OPHN1: variants seen among roughly 807,000 people sequenced by gnomAD.
OPHN1 encodes oligophrenin-1.
In OPHN1, 11 loss-of-function variants were observed where a neutral mutation model predicts 60.7. The ratio of observed to expected loss-of-function variants is 0.18; its 90% CI spans 0.11 to 0.30. The LOEUF is 0.30. OPHN1 is among the 10% of genes least tolerant of loss of function. The probability of loss-of-function intolerance (pLI) is 1.00; values close to 1 mark genes in which losing one functional copy is unlikely to be tolerated. For missense variants in OPHN1, 449 were observed against 611.0 expected, an observed-to-expected ratio of 0.73 and a Z score of 2.80; for synonymous variants, 226 against 222.6, an observed-to-expected ratio of 1.02 and a Z score of -0.14.
chrX:68,369,249 G>A (rs2078514990), intron 2 of OPHN1, among the ~76,000 whole-genome samples: 1 of 110,814 alleles, frequency 9.0e-6, no homozygotes, highest in African/African-American at 3.3e-5. Context: ...CTACTCAGGA[G>A]GCTGAGGCAG....
chrX:68,239,822 T>C (rs1490675776), intron 5 of OPHN1, among the ~76,000 whole-genome samples: 1 of 108,574 alleles, frequency 9.2e-6, no homozygotes, highest in African/African-American at 3.4e-5. Context: ...TTCTATTTTT[T>C]TTTTTTTTCT....
At chrX:68,147,091 C>T in intron 15 of OPHN1, among the ~76,000 whole-genome samples, 1 of 111,568 alleles carries the variant, frequency 9.0e-6, no homozygotes, top group Non-Finnish European at 1.9e-5. Flanking sequence ...ACCCCTTCAC[C>T]CTCCAAGCCC....
At chrX:68,424,082 G>A (rs545656625) in intron 2 of OPHN1, among the ~76,000 whole-genome samples, 51 of 110,680 alleles carry the variant, frequency 4.6e-4, no homozygotes, top group Non-Finnish European at 7.2e-4. Flanking sequence ...CAGGAGAACC[G>A]TTTGAACCCA....
In OPHN1 at chrX:68,163,354, A is replaced by G. The variant is rs766177556; in HGVS notation, c.1276+29565T>C. On this transcript the variant is annotated intron_variant, in intron 15 of 24. Transcript: ENST00000355520. ...ATTTTTCTTTCTCTTTTGGGCTAATATCATTATGATGTTCATCCATGTTGT... is the reference window on the plus strand; with the variant it reads ...ATTTTTCTTTCTCTTTTGGGCTAATGTCATTATGATGTTCATCCATGTTGT... 8.1e-5 allele frequency among the ~76,000 whole-genome samples: 9 copies of G among 110,435 alleles called. No individual in the cohort carries two copies. In the South Asian group the frequency reaches 3.5e-3, roughly 43 times the overall value.
chrX:68,080,108 T>C (rs2147380094), intron 19 of OPHN1, among the ~76,000 whole-genome samples: 2 of 112,117 alleles, frequency 1.8e-5, no homozygotes, highest in Non-Finnish European at 3.8e-5. Flanking sequence ...CTGCTTAAAA[T>C]GTTTCAATGA....
intron 2 of OPHN1, among the ~76,000 whole-genome samples, chrX:68,360,047 T>C (rs1363827754): frequency 9.0e-6 from 1 of 110,519 alleles, no homozygotes; most frequent in Non-Finnish European, 1.9e-5. Context: ...AGTTTTCCTG[T>C]GAGGATTAAA....
intron 2 of OPHN1, among the ~76,000 whole-genome samples, chrX:68,311,700 TG>T (rs1275732811): frequency 8.9e-6 from 1 of 112,174 alleles, no homozygotes; most frequent in Non-Finnish European, 1.9e-5. Flanking sequence ...CCCAAAGTGT[TG>T]GGATTACAGG....
At chrX:68,110,248 G>A (rs1179788287) in intron 18 of OPHN1, among the ~76,000 whole-genome samples, 3 of 111,969 alleles carry the variant, frequency 2.7e-5, no homozygotes, top group African/African-American at 9.7e-5. Context: ...GAGTGAGCTT[G>A]AGCATATTAC....
intron 2 of OPHN1, among the ~76,000 whole-genome samples, chrX:68,301,983 T>C (rs2078123283): frequency 8.9e-6 from 1 of 112,680 alleles, no homozygotes; most frequent in Non-Finnish European, 1.9e-5. Context: ...TAGAATCATA[T>C]AAAATAGACT....
chrX:68,068,821 C>T (rs906238087), intron 20 of OPHN1, among the ~76,000 whole-genome samples: 4 of 111,605 alleles, frequency 3.6e-5, no homozygotes, highest in Admixed American at 2.9e-4. Flanking sequence ...AAGAGTAAGA[C>T]GCCACCCAAA....
intron 5 of OPHN1, among the ~76,000 whole-genome samples, chrX:68,236,221 A>G (rs1299751903): frequency 9.0e-6 from 1 of 111,266 alleles, no homozygotes; most frequent in Admixed American, 9.6e-5. Flanking sequence ...CAGGAGGTAG[A>G]CATTTTCACA....
At chrX:68,370,075 C>A (rs1220532125) in intron 2 of OPHN1, among the ~76,000 whole-genome samples, 2 of 94,764 alleles carry the variant, frequency 2.1e-5, no homozygotes, top group Non-Finnish European at 4.1e-5. Context: ...CTGCATCTGG[C>A]AAAATGGTCT....
intron 5 of OPHN1, among the ~76,000 whole-genome samples, chrX:68,268,506 T>C (rs2077946324): frequency 8.9e-6 from 1 of 111,760 alleles, no homozygotes; most frequent in Non-Finnish European, 1.9e-5. Flanking sequence ...ATTATCTCAA[T>C]AGATGCAGAA....
chrX:68,306,873 C>T (rs2078147735), intron 2 of OPHN1, among the ~76,000 whole-genome samples: 1 of 110,515 alleles, frequency 9.0e-6, no homozygotes, highest in South Asian at 3.9e-4. Context: ...CAAACACACA[C>T]CACTCCACCC....
chrX:68,052,680 C>G lies in OPHN1; in HGVS notation c.2325-90G>C, dbSNP rs781477747. ...ACAGAAAGGACAGGAGACTCTGAAC[C>G]AGATGGGACACCAATGCCAGCCCCT... On this transcript the variant is annotated intron_variant, in intron 22 of 24. Coordinates refer to ENST00000355520, the MANE Select transcript of OPHN1 (RefSeq NM_002547.3). 8.7e-6 allele frequency: 7 copies of G among 807,343 alleles called. No individual in the cohort carries two copies. The African/African-American group carries it at 1.4e-4, about 17-fold the overall frequency. 66.5% of individuals were successfully genotyped at this position (807,343 alleles called of 1,213,427 possible). A position where few individuals can be genotyped will look rare whatever the true frequency, so the allele number is the denominator to read the frequency against.
intron 15 of OPHN1, among the ~76,000 whole-genome samples, chrX:68,190,579 C>A (rs896814733): frequency 8.9e-6 from 1 of 111,901 alleles, no homozygotes; most frequent in African/African-American, 3.2e-5. Context: ...TACCACTTTC[C>A]TTAATACTTG....
chrX:68,253,744 T>C (rs1000801064), intron 5 of OPHN1, among the ~76,000 whole-genome samples: 9 of 112,280 alleles, frequency 8.0e-5, no homozygotes, highest in Non-Finnish European at 1.3e-4. Context: ...CAACTCCATC[T>C]TGGATGCAAA....
chrX:68,236,241 G>A (rs952362408), intron 5 of OPHN1, among the ~76,000 whole-genome samples: 1 of 111,158 alleles, frequency 9.0e-6, no homozygotes, highest in Non-Finnish European at 1.9e-5. Context: ...ACAAAACATA[G>A]GAAGGACAAA....
chrX:68,433,006 C>A lies in OPHN1; in HGVS notation c.15G>T (p.Pro5=). 3 of 1,205,778 alleles carry A rather than the reference C, an allele frequency of 2.5e-6. No homozygotes were observed. The highest frequency in any genetic ancestry group is 3.4e-6 in the Non-Finnish European group (3 of 892,401). ...CCAGGTAGCAGTCGCTGAACTCCAGCGGGGGATGACCCATGGTTCTGATGG... is the reference window on the plus strand; with the variant it reads ...CCAGGTAGCAGTCGCTGAACTCCAGAGGGGGATGACCCATGGTTCTGATGG... The part of the protein sequence containing the change: MGHP[P]LEFSDCYLDS... The change falls in exon 2 of 25, where the codon CCG becomes CCT. Residue 5 remains proline (P), a synonymous_variant. Transcript: ENST00000355520.
Sources: allele counts gnomAD v4.1 joint callset (sites outside exome capture counted in the v4.1 genomes callset), GRCh38; gene constraint gnomAD v4.1.1; transcripts MANE v1.5; gene names NCBI Gene and HGNC (gene_info 2026-07-23, HGNC 2026-07-21).